PSMD9: variants seen among roughly 807,000 people sequenced by gnomAD.
The protein encoded by PSMD9 is proteasome 26S subunit, non-ATPase 9.
In PSMD9, 26 loss-of-function variants were observed where a neutral mutation model predicts 25.9. The observed-to-expected ratio is 1.00, with a 90% CI of 0.73 to 1.39. PSMD9 has a LOEUF of 1.39. PSMD9 is among the 40% of genes most tolerant of loss of function. PSMD9 has a pLI of 0.00. For missense variants in PSMD9, 303 were observed against 299.3 expected, an observed-to-expected ratio of 1.01 and a Z score of -0.09; for synonymous variants, 110 against 114.5, an observed-to-expected ratio of 0.96 and a Z score of 0.25.
chr12:121,913,862 A>G (rs1879813666), intron 4 of PSMD9, among the ~76,000 whole-genome samples: 1 of 151,890 alleles, frequency 6.6e-6, no homozygotes, highest in Non-Finnish European at 1.5e-5. Flanking sequence ...CATTTGATAC[A>G]TAGAAGTTTT....
intron 1 of PSMD9, chr12:121,894,014 C>T (rs1879161497): frequency 6.6e-6 from 1 of 152,050 alleles, no homozygotes; most frequent in Non-Finnish European, 1.5e-5. Context: ...AAGGTCTCAG[C>T]TAAGGATGCC....
intron 4 of PSMD9, chr12:121,910,920 T>A (rs1345107888): frequency 4.4e-6 from 2 of 456,116 alleles, no homozygotes; most frequent in East Asian, 1.4e-4. Flanking sequence ...AAACACTAAC[T>A]CTCCATTCCC....
rs77498051 is a variant in PSMD9, at chr12:121,912,721, C to T, written c.556-3135C>T. ...CTCTGGAAAAAAATACAAAAATTAG[C>T]CAGGTGTGGAGGATTGTGCCTGTAG... On this transcript the variant is annotated intron_variant, in intron 4 of 5. Transcript: ENST00000541212. Among the ~76,000 whole-genome samples the T allele has an allele frequency of 1.3e-3, 190 of 151,576 alleles. 3 individuals carry two copies. In the East Asian group the frequency reaches 0.036, roughly 28 times the overall value.
At chr12:121,900,002 A>G in intron 3 of PSMD9, 157 bp downstream of exon 3, 1 of 882,004 alleles carries the variant, frequency 1.1e-6, no homozygotes, top group Non-Finnish European at 1.8e-6. Flanking sequence ...TCGTGTATCC[A>G]GCCCTGTGCT....
At chr12:121,899,515 C>T (rs1879326208) in intron 2 of PSMD9, 119 bp from the exon 3 acceptor site, 2 of 953,616 alleles carry the variant, frequency 2.1e-6, no homozygotes, top group African/African-American at 3.3e-5. Context: ...GACTCCTTCT[C>T]ACCTCTAGCT....
intron 4 of PSMD9, among the ~76,000 whole-genome samples, chr12:121,903,711 T>C (rs1443254133): frequency 1.3e-5 from 2 of 151,526 alleles, no homozygotes; most frequent in African/African-American, 4.8e-5. Flanking sequence ...TCCTCTGCCC[T>C]GTCTCTGTTT....
At chr12:121,910,630 G>T (rs1427999221) in intron 4 of PSMD9, among the ~76,000 whole-genome samples, 1 of 151,402 alleles carries the variant, frequency 6.6e-6, no homozygotes, top group Non-Finnish European at 1.5e-5. Context: ...CGTCGTGGTG[G>T]GCGCCTGTAA....
chr12:121,915,846 T>G lies in PSMD9; in HGVS notation c.556-10T>G, dbSNP rs772879333. ...AGGCTGAACACGAAATGAGCTTATT[T>G]TCTTTTCAGAAGCCCCTGAATGTGA... On this transcript the variant is annotated splice_polypyrimidine_tract_variant and intron_variant, in intron 4 of 5. Coordinates refer to ENST00000541212, the MANE Select transcript of PSMD9 (RefSeq NM_002813.7). The G allele has an allele frequency of 6.2e-7, 1 of 1,609,708 alleles. No homozygotes were observed. The highest frequency in any genetic ancestry group is 8.5e-7 in the Non-Finnish European group (1 of 1,177,488).
intron 1 of PSMD9, chr12:121,894,464 CA>C (rs1422195992): frequency 2.5e-5 from 9 of 361,034 alleles, no homozygotes; most frequent in Non-Finnish European, 3.7e-5. Context: ...GGATGATGCT[CA>C]AAGGAGTCTT....
chr12:121,891,798 C>A (rs552885538), intron 1 of PSMD9, among the ~76,000 whole-genome samples: 1 of 150,278 alleles, frequency 6.7e-6, no homozygotes, highest in Non-Finnish European at 1.5e-5. Context: ...CCCAGCTACC[C>A]GGGAGGCTGA....
In PSMD9 at chr12:121,915,908, T is replaced by G; in HGVS notation, c.608T>G (p.Leu203Arg). 1 of 1,613,980 alleles carries G rather than the reference T, an allele frequency of 6.2e-7. No homozygotes were observed. ...IRRGEKHQLR[L>R]VPTRWAGKGL... ...AGGGGGGAAAAACACCAGCTTAGAC[T>G]TGTTCCAACACGCTGGGCAGGAAAA... The change falls in exon 5 of 6, where the codon CTT becomes CGT. Residue 203 changes from leucine (L) to arginine (R), a missense_variant. Physicochemically the swap from Leu to Arg is moderately radical, Grantham distance 102 (BLOSUM62 -2). Coordinates refer to ENST00000541212, the MANE Select transcript of PSMD9 (RefSeq NM_002813.7).
chr12:121,897,889 G>A lies in PSMD9; in HGVS notation c.242-1745G>A, dbSNP rs1879281195. The A allele has an allele frequency of 5.9e-5, 9 of 152,306 alleles. No individual in the cohort carries two copies. The South Asian group carries it at 1.9e-3, about 32-fold the overall frequency. 9.4% of individuals were successfully genotyped at this position (152,306 alleles called of 1,614,324 possible). Reference sequence around the variant, plus strand: ...GCAAATTTGTTTTTTGAAATACACTGCAGAAACATTTTGTACTGAAAAAAA... The same window carrying A: ...GCAAATTTGTTTTTTGAAATACACTACAGAAACATTTTGTACTGAAAAAAA... On this transcript the variant is annotated intron_variant, in intron 2 of 5. Transcript: ENST00000541212.
In PSMD9 at chr12:121,899,832, C is replaced by T; in HGVS notation, c.440C>T (p.Pro147Leu). ...GTGAACAGCATCAGCCCCGGCTCCC[C>T]AGCCAGCATCGCGGTAATCCAGGGG... ...AKVNSISPGS[P>L]ASIAGLQVDD... The change falls in exon 3 of 6, where the codon CCA becomes CTA. Residue 147 changes from proline to leucine, a missense_variant. Transcript: ENST00000541212. 1 of 1,614,022 alleles carries T rather than the reference C, an allele frequency of 6.2e-7. No individual in the cohort carries two copies. Among genetic ancestry groups the T allele is most frequent in the Non-Finnish European group, 8.5e-7 (1 of 1,179,888 alleles).
chr12:121,912,785 G>C (rs1211487914), intron 4 of PSMD9, among the ~76,000 whole-genome samples: 1 of 148,234 alleles, frequency 6.7e-6, no homozygotes, highest in Non-Finnish European at 1.5e-5. Flanking sequence ...AGAATCGCTT[G>C]AGCCCAGGAG....
chr12:121,907,322 G>C (rs1171144458), intron 4 of PSMD9, among the ~76,000 whole-genome samples: 1 of 151,718 alleles, frequency 6.6e-6, no homozygotes, highest in Admixed American at 6.6e-5. Context: ...TGCCCGCCTC[G>C]GCCTCCCAAA....
At chr12:121,899,923 C>CAG (rs759159170) in intron 3 of PSMD9, 78 bp downstream of exon 3, 32 of 1,483,908 alleles carry the variant, frequency 2.2e-5, no homozygotes, top group Middle Eastern at 1.7e-4. Flanking sequence ...TGTGGAAAGA[C>CAG]AGACTAGTTC....
At chr12:121,908,431 G>A (rs1592948396) in intron 4 of PSMD9, among the ~76,000 whole-genome samples, 1 of 152,176 alleles carries the variant, frequency 6.6e-6, no homozygotes, top group East Asian at 1.9e-4. Context: ...TGCCCGCTTC[G>A]GCCTCCCAAA....
chr12:121,914,021 G>A lies in PSMD9; in HGVS notation c.556-1835G>A, dbSNP rs529609882. On this transcript the variant is annotated intron_variant, in intron 4 of 5. Transcript: ENST00000541212. ...AGCAATCCTCCTGCCTCAGCCTCCC[G>A]AGTAGCTGGGACTATAGGTGCACAC... 5.9e-5 allele frequency among the ~76,000 whole-genome samples: 9 copies of A among 151,894 alleles called. No individual in the cohort carries two copies. In the East Asian group the frequency reaches 1.4e-3, roughly 23 times the overall value.
chr12:121,905,755 C>T (rs1879537492), intron 4 of PSMD9, among the ~76,000 whole-genome samples: 1 of 151,774 alleles, frequency 6.6e-6, no homozygotes, highest in Non-Finnish European at 1.5e-5. Context: ...TGGTCTCAAA[C>T]TCCTAACCTC....
Sources: allele counts gnomAD v4.1 joint callset (sites outside exome capture counted in the v4.1 genomes callset), GRCh38; gene constraint gnomAD v4.1.1; transcripts MANE v1.5; gene names NCBI Gene and HGNC (gene_info 2026-07-23, HGNC 2026-07-21).